MACROD2: variants seen among roughly 807,000 people sequenced by gnomAD.
MACROD2 encodes ADP-ribose glycohydrolase MACROD2.
In MACROD2, 36 loss-of-function variants were observed where a neutral mutation model predicts 70.4. The ratio of observed to expected loss-of-function variants is 0.51; its 90% CI spans 0.39 to 0.68. MACROD2 has a LOEUF of 0.68. MACROD2 is among the 30% of genes least tolerant of loss of function. MACROD2 has a pLI of 0.00. For synonymous variants in MACROD2, 172 were observed against 178.8 expected, an observed-to-expected ratio of 0.96 and a Z score of 0.30; for missense variants, 496 against 538.4, an observed-to-expected ratio of 0.92 and a Z score of 0.78.
intron 8 of MACROD2, among the ~76,000 whole-genome samples, chr20:15,814,973 T>C (rs1018876088): frequency 6.9e-6 from 1 of 144,580 alleles, no homozygotes; most frequent in African/African-American, 2.6e-5. Flanking sequence ...GCAGAATATG[T>C]AGTGTTTGCA....
chr20:15,583,247 A>G (rs2048551286), intron 8 of MACROD2, among the ~76,000 whole-genome samples: 1 of 152,168 alleles, frequency 6.6e-6, no homozygotes, highest in South Asian at 2.1e-4. Context: ...CCTCTCAGTT[A>G]TCTCTACAAC....
At chr20:15,021,777 A>G (rs1445425363) in intron 5 of MACROD2, 2 of 152,114 alleles carry the variant, frequency 1.3e-5, no homozygotes, top group African/African-American at 4.8e-5. Context: ...ACATGTCATT[A>G]TGCTTTTGAC....
At chr20:14,808,816 C>A (rs1328616422) in intron 5 of MACROD2, among the ~76,000 whole-genome samples, 1 of 150,970 alleles carries the variant, frequency 6.6e-6, no homozygotes, top group Non-Finnish European at 1.5e-5. Context: ...GACTTTAAAC[C>A]AGCAAAGATC....
chr20:15,428,226 A>C (rs1266056562), intron 6 of MACROD2, among the ~76,000 whole-genome samples: 1 of 152,262 alleles, frequency 6.6e-6, no homozygotes, highest in East Asian at 1.9e-4. Flanking sequence ...AGCAGTGCTC[A>C]GAGTAGTTCA....
At chr20:15,727,530 G>A (rs944724420) in intron 8 of MACROD2, among the ~76,000 whole-genome samples, 4 of 152,108 alleles carry the variant, frequency 2.6e-5, no homozygotes, top group African/African-American at 7.2e-5. Context: ...GCTTTGGGAA[G>A]TGTGGTTGTT....
At chr20:15,806,314 C>T (rs1186695080) in intron 8 of MACROD2, among the ~76,000 whole-genome samples, 1 of 152,154 alleles carries the variant, frequency 6.6e-6, no homozygotes, top group African/African-American at 2.4e-5. Context: ...GCCTCATTTA[C>T]ACTGGTTCAA....
intron 5 of MACROD2, among the ~76,000 whole-genome samples, chr20:14,763,503 C>T (rs1006795132): frequency 2.0e-5 from 3 of 151,918 alleles, no homozygotes; most frequent in Admixed American, 6.6e-5. Context: ...GTGAAGGGAC[C>T]GTGATCTAGG....
At chr20:15,538,374 G>T (rs529977937) in intron 8 of MACROD2, among the ~76,000 whole-genome samples, 2 of 152,116 alleles carry the variant, frequency 1.3e-5, no homozygotes, top group East Asian at 3.9e-4. Context: ...TGTAAAAGAC[G>T]GGCTTCAAAA....
intron 8 of MACROD2, among the ~76,000 whole-genome samples, chr20:15,836,385 T>C (rs370729844): frequency 6.6e-6 from 1 of 152,092 alleles, no homozygotes; most frequent in Non-Finnish European, 1.5e-5. Context: ...TTACAACCAA[T>C]TGGTGGTCAG....
intron 8 of MACROD2, among the ~76,000 whole-genome samples, chr20:15,683,507 T>C (rs986973600): frequency 6.6e-6 from 1 of 152,198 alleles, no homozygotes; most frequent in Non-Finnish European, 1.5e-5. Context: ...GGAGCAAAAT[T>C]ATTCCTATCT....
intron 5 of MACROD2, among the ~76,000 whole-genome samples, chr20:14,736,173 A>T (rs6079547): frequency 0.4 from 61,341 of 152,062 alleles, 13,776 homozygotes; most frequent in Non-Finnish European, 0.51. Flanking sequence ...GCACTAACAC[A>T]TGCAACAATG....
At chr20:15,999,335 T>C (rs1043841532) in intron 15 of MACROD2, among the ~76,000 whole-genome samples, 5 of 152,188 alleles carry the variant, frequency 3.3e-5, no homozygotes, top group Non-Finnish European at 5.9e-5. Flanking sequence ...TATATGTTTG[T>C]GATGAGAAAA....
Position 14,924,445 on chromosome 20 carries a change from TAAAAATA to T in MACROD2, c.418+239506_418+239512del, listed in dbSNP as rs201249097. Among the ~76,000 whole-genome samples the T allele has an allele frequency of 4.6e-3, 679 of 146,062 alleles. 6 individuals carry two copies. Among genetic ancestry groups the T allele is most frequent in the African/African-American group, 0.016 (618 of 39,388 alleles). On this transcript the variant is annotated intron_variant, in intron 5 of 17. Transcript: ENST00000684519. ...CAGAGCAATACTCTGCCTCAAAAAA[TAAAAATA>T]AAAAATAAAAAATAAAAAAAAAGAA...
chr20:14,632,755 C>T (rs1310034027), intron 4 of MACROD2, among the ~76,000 whole-genome samples: 1 of 152,142 alleles, frequency 6.6e-6, no homozygotes, highest in Non-Finnish European at 1.5e-5. Flanking sequence ...GCTTCTCTAA[C>T]TCCGAAGAAC....
At chr20:15,351,834 T>C (rs1032998872) in intron 6 of MACROD2, among the ~76,000 whole-genome samples, 1 of 152,328 alleles carries the variant, frequency 6.6e-6, no homozygotes, top group South Asian at 2.1e-4. Context: ...AACATTTTTT[T>C]AGGCCAATTC....
At chr20:15,368,572 C>G (rs1014436) in intron 6 of MACROD2, among the ~76,000 whole-genome samples, 69,948 of 151,228 alleles carry the variant, frequency 0.46, 18,643 homozygotes, top group African/African-American at 0.75. Flanking sequence ...CAAGATTATC[C>G]TGCCTTAGCC....
chr20:14,644,059 A>G (rs866658265), intron 4 of MACROD2, among the ~76,000 whole-genome samples: 5 of 152,338 alleles, frequency 3.3e-5, no homozygotes, highest in African/African-American at 7.2e-5. Context: ...AATAAATTGT[A>G]GCATTAATAA....
At chr20:15,464,421 T>G (rs1318702106) in intron 7 of MACROD2, among the ~76,000 whole-genome samples, 1 of 152,234 alleles carries the variant, frequency 6.6e-6, no homozygotes, top group Non-Finnish European at 1.5e-5. Context: ...GGTAGATGAC[T>G]TTGCTCTATC....
intron 8 of MACROD2, among the ~76,000 whole-genome samples, chr20:15,660,419 G>A (rs2146814798): frequency 6.6e-6 from 1 of 151,712 alleles, no homozygotes; most frequent in Admixed American, 6.6e-5. Flanking sequence ...TTTCACTGAA[G>A]CTCACTGACA....
Sources: gnomAD v4.1 joint callset for allele counts (sites outside exome capture counted in the v4.1 genomes callset) on GRCh38, gnomAD v4.1.1 for gene constraint, MANE v1.5 for transcripts, NCBI Gene and HGNC (gene_info 2026-07-23, HGNC 2026-07-21) for gene names.